TENM3: variants seen among roughly 807,000 people sequenced by gnomAD.
The protein encoded by TENM3 is teneurin-3.
Under a neutral mutation model 255.1 loss-of-function variants are expected in TENM3, and 63 were observed. That is an observed-to-expected ratio of 0.25 (90% CI 0.20 to 0.30). The LOEUF is 0.30. Ranked by LOEUF, TENM3 falls within the 10% of genes least tolerant of loss-of-function variation. The pLI, the probability that TENM3 is intolerant of heterozygous loss-of-function variation, is 1.00. For missense variants in TENM3, 2,929 were observed against 3,461.1 expected (o/e 0.85, Z 3.86); for synonymous variants, 1,306 against 1,322.3 (o/e 0.99, Z 0.27).
the TENM3 span, among the ~76,000 whole-genome samples, chr4:182,117,886 G>T: frequency 6.6e-6 from 1 of 152,128 alleles, no homozygotes; most frequent in Non-Finnish European, 1.5e-5. Flanking sequence ...GGGAAGAACT[G>T]ACATCTTGAA....
Position 182,169,078 on chromosome 4 carries a change from C to CACACAT in TENM3, c.-76+24329_-76+24330insTACACA, listed in dbSNP as rs769426512. Among the ~76,000 whole-genome samples, 958 of 139,900 alleles carry CACACAT rather than the reference C, an allele frequency of 6.8e-3. 4 individuals carry two copies. The highest frequency in any genetic ancestry group is 0.018 in the African/African-American group (717 of 38,934). 91.8% of individuals were successfully genotyped at this position (139,900 alleles called of 152,430 possible). On this transcript the variant is annotated intron_variant, in intron 1 of 2. Transcript: ENST00000512480. ...ATATGTCATATAATCATGCCATACA[C>CACACAT]ACACACACACACACACACACACACA...
intron 11 of TENM3, among the ~76,000 whole-genome samples, chr4:182,685,163 A>G (rs549563421): frequency 5.5e-4 from 84 of 152,034 alleles, no homozygotes; most frequent in African/African-American, 2.0e-3. Context: ...TCCCATTCTG[A>G]TTTTTGTATG....
the TENM3 span, among the ~76,000 whole-genome samples, chr4:182,027,432 G>A: frequency 2.0e-5 from 3 of 151,958 alleles, no homozygotes; most frequent in African/African-American, 7.2e-5. Context: ...AGGATAATTT[G>A]ACTTCTTCTT....
chr4:181,595,241 G>C, the TENM3 span, among the ~76,000 whole-genome samples: 1 of 151,876 alleles, frequency 6.6e-6, no homozygotes, highest in African/African-American at 2.4e-5. Context: ...GATCAGCCTG[G>C]CCAACATGGT....
chr4:182,402,247 A>G (rs1229438231), intron 3 of TENM3, among the ~76,000 whole-genome samples: 1 of 152,204 alleles, frequency 6.6e-6, no homozygotes, highest in Admixed American at 6.5e-5. Context: ...CTATTCTTAA[A>G]TATTTTATTC....
the TENM3 span, among the ~76,000 whole-genome samples, chr4:181,589,797 T>C: frequency 1.3e-5 from 2 of 152,194 alleles, no homozygotes; most frequent in Non-Finnish European, 2.9e-5. Context: ...AGATGATGGG[T>C]GATTTTAATA....
At chr4:182,524,573 C>T (rs7673657) in intron 3 of TENM3, among the ~76,000 whole-genome samples, 6 of 151,320 alleles carry the variant, frequency 4.0e-5, no homozygotes, top group Non-Finnish European at 8.8e-5. Flanking sequence ...GTTGCCAGAG[C>T]TGATCTCAAA....
At chr4:181,961,429 T>G in the TENM3 span, among the ~76,000 whole-genome samples, 1 of 152,118 alleles carries the variant, frequency 6.6e-6, no homozygotes, top group Non-Finnish European at 1.5e-5. Context: ...TTTTTGTTGT[T>G]GTTGTTGTTG....
the TENM3 span, among the ~76,000 whole-genome samples, chr4:181,779,853 G>T: frequency 6.6e-6 from 1 of 151,996 alleles, no homozygotes; most frequent in Non-Finnish European, 1.5e-5. Flanking sequence ...TGTTCTCATT[G>T]TTCAATTCCC....
At chr4:182,322,098 G>A (rs1159376895) in intron 1 of TENM3, among the ~76,000 whole-genome samples, 3 of 152,114 alleles carry the variant, frequency 2.0e-5, no homozygotes, top group Non-Finnish European at 2.9e-5. Flanking sequence ...TGAAAGGAAA[G>A]GTACAATATG....
chr4:181,869,791 G>A, the TENM3 span, among the ~76,000 whole-genome samples: 3 of 151,922 alleles, frequency 2.0e-5, no homozygotes, highest in African/African-American at 4.8e-5. Flanking sequence ...TAAATTAGTA[G>A]AAAGTAAATA....
At chr4:181,567,871 A>G in the TENM3 span, among the ~76,000 whole-genome samples, 1 of 152,190 alleles carries the variant, frequency 6.6e-6, no homozygotes, top group South Asian at 2.1e-4. Context: ...TAATTAGTCC[A>G]GGGTTATAAA....
At chr4:181,872,813 C>A in the TENM3 span, among the ~76,000 whole-genome samples, 37 of 152,226 alleles carry the variant, frequency 2.4e-4, no homozygotes, top group Non-Finnish European at 4.3e-4. Context: ...CTTCTGGAGC[C>A]TTTGTCCTCA....
chr4:182,406,310 AT>A (rs1769576474), intron 3 of TENM3, among the ~76,000 whole-genome samples: 2 of 150,972 alleles, frequency 1.3e-5, no homozygotes, highest in African/African-American at 5.0e-5. Context: ...ATCAAAAAAA[AT>A]AAAAATAAAA....
intron 1 of TENM3, among the ~76,000 whole-genome samples, chr4:182,244,009 A>G (rs540408396): frequency 5.8e-4 from 75 of 130,384 alleles, no homozygotes; most frequent in Admixed American, 8.5e-4. Context: ...GCTGGAGTGC[A>G]GTGGCGTGAC....
chr4:181,890,257 C>T, the TENM3 span, among the ~76,000 whole-genome samples: 1 of 152,160 alleles, frequency 6.6e-6, no homozygotes, highest in African/African-American at 2.4e-5. Flanking sequence ...AGAATTGTCA[C>T]ATTTTAGTTA....
chr4:182,255,449 G>A (rs911362888), intron 1 of TENM3, among the ~76,000 whole-genome samples: 4 of 152,148 alleles, frequency 2.6e-5, no homozygotes, highest in Admixed American at 2.0e-4. Flanking sequence ...GCATTGTATT[G>A]CCAAAGAAGT....
chr4:181,713,378 A>C, the TENM3 span, among the ~76,000 whole-genome samples: 136,612 of 152,192 alleles, frequency 0.9, 61,465 homozygotes, highest in East Asian at 0.94. Context: ...AAGATATATG[A>C]TTTCTGAAAC....
chr4:182,358,963 T>C (rs538565982), intron 3 of TENM3, among the ~76,000 whole-genome samples: 1 of 152,068 alleles, frequency 6.6e-6, no homozygotes, highest in Non-Finnish European at 1.5e-5. Context: ...CTTTCCTGCA[T>C]CTATTGAGAT....
Sources: gnomAD v4.1 joint callset for allele counts (sites outside exome capture counted in the v4.1 genomes callset) on GRCh38, gnomAD v4.1.1 for gene constraint, MANE v1.5 for transcripts, NCBI Gene and HGNC (gene_info 2026-07-23, HGNC 2026-07-21) for gene names.